Variants in ZNF804A observed in about 807,000 individuals in gnomAD.
ZNF804A encodes the protein zinc finger protein 804A.
A neutral mutation model predicts 16.5 loss-of-function variants in ZNF804A; 2 were observed. The ratio of observed to expected loss-of-function variants is 0.12; its 90% CI spans 0.05 to 0.38. The LOEUF (loss-of-function observed/expected upper bound fraction) is 0.38, where lower values mean the gene tolerates loss of function less well. ZNF804A is among the 10% of genes least tolerant of loss of function. The probability of loss-of-function intolerance (pLI) is 0.99; values close to 1 mark genes in which losing one functional copy is unlikely to be tolerated. For missense variants in ZNF804A, 1,473 were observed against 1,390.7 expected (o/e 1.06, Z -0.94); for synonymous variants, 534 against 489.6 (o/e 1.09, Z -1.20).
At chr2:184,805,775 T>C (rs986680309) in intron 1 of ZNF804A, among the ~76,000 whole-genome samples, 3 of 152,026 alleles carry the variant, frequency 2.0e-5, no homozygotes, top group African/African-American at 7.2e-5. Flanking sequence ...TTGACATTTA[T>C]TAAAATGTGA....
intron 1 of ZNF804A, among the ~76,000 whole-genome samples, chr2:184,858,911 A>G (rs144579626): frequency 6.6e-6 from 1 of 152,294 alleles, no homozygotes; most frequent in East Asian, 1.9e-4. Flanking sequence ...CATTTCTAAA[A>G]CACAGATTTG....
chr2:184,759,326 A>G (rs973496802), intron 1 of ZNF804A, among the ~76,000 whole-genome samples: 7 of 151,746 alleles, frequency 4.6e-5, no homozygotes, highest in African/African-American at 1.7e-4. Flanking sequence ...GGACATTGGG[A>G]AAAAAGTCTG....
chr2:184,827,848 C>T (rs1695189396), intron 1 of ZNF804A, among the ~76,000 whole-genome samples: 1 of 151,638 alleles, frequency 6.6e-6, no homozygotes, highest in African/African-American at 2.4e-5. Flanking sequence ...TTACTGTCAG[C>T]TGTAAGTCAG....
intron 1 of ZNF804A, among the ~76,000 whole-genome samples, chr2:184,760,095 G>A (rs1019091055): frequency 6.6e-6 from 1 of 152,052 alleles, no homozygotes; most frequent in African/African-American, 2.4e-5. Context: ...AATGCCATCA[G>A]TTAAGGCAGG....
chr2:184,933,023 C>G (rs76354885), intron 2 of ZNF804A, among the ~76,000 whole-genome samples: 1 of 152,012 alleles, frequency 6.6e-6, no homozygotes, highest in African/African-American at 2.4e-5. Context: ...GATCATTTGT[C>G]TTATGGATTA....
At chr2:184,806,309 A>G (rs940327270) in intron 1 of ZNF804A, among the ~76,000 whole-genome samples, 2 of 151,790 alleles carry the variant, frequency 1.3e-5, no homozygotes, top group Non-Finnish European at 3.0e-5. Flanking sequence ...ATTTTTCTTT[A>G]TTGGGGATCA....
At chr2:184,777,323 T>A (rs926614972) in intron 1 of ZNF804A, among the ~76,000 whole-genome samples, 1 of 151,758 alleles carries the variant, frequency 6.6e-6, no homozygotes, top group Non-Finnish European at 1.5e-5. Context: ...CTTCAGTGTC[T>A]TAGTTTACAC....
intron 1 of ZNF804A, among the ~76,000 whole-genome samples, chr2:184,844,862 C>A (rs1695490196): frequency 6.6e-6 from 1 of 151,712 alleles, no homozygotes; most frequent in African/African-American, 2.4e-5. Context: ...TATGTTACAC[C>A]CTTTGATATT....
intron 2 of ZNF804A, among the ~76,000 whole-genome samples, chr2:184,903,324 TA>T (rs1685215867): frequency 6.6e-6 from 1 of 152,108 alleles, no homozygotes; most frequent in African/African-American, 2.4e-5. Context: ...AAGGTTATAC[TA>T]ACTGTATTTT....
intron 1 of ZNF804A, among the ~76,000 whole-genome samples, chr2:184,762,415 A>G (rs766847250): frequency 1.3e-5 from 2 of 151,926 alleles, no homozygotes; most frequent in South Asian, 2.1e-4. Flanking sequence ...TATCAAGTGT[A>G]TACATATCTT....
intron 2 of ZNF804A, among the ~76,000 whole-genome samples, chr2:184,901,599 A>C (rs1053170666): frequency 6.6e-6 from 1 of 152,128 alleles, no homozygotes; most frequent in Non-Finnish European, 1.5e-5. Context: ...CATTGCCATC[A>C]TTCTTGGTAA....
At chr2:184,646,460 T>C (rs1307213314) in intron 1 of ZNF804A, among the ~76,000 whole-genome samples, 2 of 152,290 alleles carry the variant, frequency 1.3e-5, no homozygotes, top group South Asian at 2.1e-4. Flanking sequence ...GAGCTCCAAG[T>C]ATTCAGAGCA....
chr2:184,880,430 T>C (rs972451774), intron 2 of ZNF804A, among the ~76,000 whole-genome samples: 4 of 152,080 alleles, frequency 2.6e-5, no homozygotes, highest in African/African-American at 9.7e-5. Flanking sequence ...TTCACTCATC[T>C]ATGCTTTTTC....
At chr2:184,665,873 T>C (rs1308108283) in intron 1 of ZNF804A, among the ~76,000 whole-genome samples, 1 of 152,206 alleles carries the variant, frequency 6.6e-6, no homozygotes, top group African/African-American at 2.4e-5. Flanking sequence ...TTGAATTTCA[T>C]TGACGCCTCC....
chr2:184,789,837 G>A (rs1344058977), intron 1 of ZNF804A, among the ~76,000 whole-genome samples: 2 of 151,644 alleles, frequency 1.3e-5, no homozygotes, highest in African/African-American at 4.8e-5. Context: ...TTTCTGCTCT[G>A]ACCTTTTTTT....
At chr2:184,619,972 T>G (rs1691391516) in intron 1 of ZNF804A, among the ~76,000 whole-genome samples, 1 of 151,820 alleles carries the variant, frequency 6.6e-6, no homozygotes, top group African/African-American at 2.4e-5. Flanking sequence ...CAAATATACA[T>G]TTCTCAAAAT....
chr2:184,752,925 A>G (rs1227165250), intron 1 of ZNF804A, among the ~76,000 whole-genome samples: 1 of 151,668 alleles, frequency 6.6e-6, no homozygotes, highest in Non-Finnish European at 1.5e-5. Flanking sequence ...ATGTTATCTC[A>G]CATCTGTTAA....
At chr2:184,787,726 T>C (rs182330090) in intron 1 of ZNF804A, among the ~76,000 whole-genome samples, 142 of 152,006 alleles carry the variant, frequency 9.3e-4, no homozygotes, top group African/African-American at 3.3e-3. Context: ...TGACTTCTTT[T>C]AGTTCCTTGT....
At chr2:184,611,366 G>T (rs1043082393) in intron 1 of ZNF804A, among the ~76,000 whole-genome samples, 2 of 151,932 alleles carry the variant, frequency 1.3e-5, no homozygotes, top group African/African-American at 4.8e-5. Flanking sequence ...AGAATGTATA[G>T]AATCTTAAAT....
Sources: gnomAD v4.1 joint callset for allele counts (sites outside exome capture counted in the v4.1 genomes callset) on GRCh38, gnomAD v4.1.1 for gene constraint, MANE v1.5 for transcripts, NCBI Gene and HGNC (gene_info 2026-07-23, HGNC 2026-07-21) for gene names.